The following MECOM variants were observed in gnomAD, a reference collection of about 807,000 sequenced individuals.
The protein encoded by MECOM is MDS1 and EVI1 complex locus.
A neutral mutation model predicts 116.3 loss-of-function variants in MECOM; 13 were observed. That is an observed-to-expected ratio of 0.11 (90% confidence interval 0.07 to 0.18). MECOM has a LOEUF of 0.18. Ranked by LOEUF, MECOM falls within the 10% of genes least tolerant of loss-of-function variation. The probability of loss-of-function intolerance (pLI) is 1.00; values close to 1 mark genes in which losing one functional copy is unlikely to be tolerated. For synonymous variants in MECOM, 528 were observed against 535.2 expected (o/e 0.99, Z 0.19); for missense variants, 1,299 against 1,509.0 (o/e 0.86, Z 2.31).
intron 1 of MECOM, among the ~76,000 whole-genome samples, chr3:169,510,248 G>A (rs1755806259): frequency 6.6e-6 from 1 of 152,160 alleles, no homozygotes; most frequent in African/African-American, 2.4e-5. Context: ...AAGGGTCGGG[G>A]GCAGGGAGGG....
At chr3:169,287,517 T>C (rs930211000) in intron 2 of MECOM, among the ~76,000 whole-genome samples, 2 of 152,196 alleles carry the variant, frequency 1.3e-5, no homozygotes, top group African/African-American at 4.8e-5. Flanking sequence ...AAACAAAGCA[T>C]AATTCCAGAG....
intron 2 of MECOM, among the ~76,000 whole-genome samples, chr3:169,264,858 A>C (rs1300835127): frequency 6.6e-6 from 1 of 152,182 alleles, no homozygotes; most frequent in Non-Finnish European, 1.5e-5. Context: ...TCCTTTCCAC[A>C]AACTGCTGTT....
At chr3:169,387,632 T>C (rs1452768631) in intron 1 of MECOM, among the ~76,000 whole-genome samples, 1 of 152,240 alleles carries the variant, frequency 6.6e-6, no homozygotes, top group Non-Finnish European at 1.5e-5. Context: ...ACTTTGACTA[T>C]AAAGTAAGAC....
intron 2 of MECOM, among the ~76,000 whole-genome samples, chr3:169,350,516 G>C (rs1560163621): frequency 6.6e-6 from 1 of 151,942 alleles, no homozygotes; most frequent in Non-Finnish European, 1.5e-5. Context: ...CAGCTACTAA[G>C]TGCTTGAAAT....
chr3:169,146,623 G>T, intron 2 of MECOM: 1 of 1,368,588 alleles, frequency 7.3e-7, no homozygotes, highest in East Asian at 3.9e-5. Flanking sequence ...GGGGGCGGGG[G>T]GCGCCCGTAG....
intron 1 of MECOM, among the ~76,000 whole-genome samples, chr3:169,561,148 TAA>T (rs1353586210): frequency 6.6e-6 from 1 of 151,852 alleles, no homozygotes; most frequent in African/African-American, 2.4e-5. Context: ...AACAAAAATT[TAA>T]AAGTTTTATA....
At chr3:169,468,889 A>T (rs1244558756) in intron 1 of MECOM, among the ~76,000 whole-genome samples, 1 of 152,182 alleles carries the variant, frequency 6.6e-6, no homozygotes, top group Non-Finnish European at 1.5e-5. Flanking sequence ...TGCTAGGCAG[A>T]CTGCCACCAA....
intron 1 of MECOM, among the ~76,000 whole-genome samples, chr3:169,560,115 T>G (rs1762476209): frequency 1.3e-5 from 2 of 152,212 alleles, no homozygotes; most frequent in Admixed American, 1.3e-4. Context: ...GTATAACCAA[T>G]TTCATGTCCC....
chr3:169,417,913 CACATGGA>C (rs1738968490), intron 1 of MECOM, among the ~76,000 whole-genome samples: 1 of 150,534 alleles, frequency 6.6e-6, no homozygotes, highest in Non-Finnish European at 1.5e-5. Context: ...ACAATGAGAT[CACATGGA>C]CACAGGAAGG....
intron 1 of MECOM, among the ~76,000 whole-genome samples, chr3:169,569,535 C>T (rs145230135): frequency 3.6e-3 from 542 of 152,314 alleles, no homozygotes; most frequent in Non-Finnish European, 5.9e-3. Context: ...GTACATTCTT[C>T]TCAGCACCAT....
intron 10 of MECOM, among the ~76,000 whole-genome samples, chr3:169,104,468 TA>T (rs1353205853): frequency 6.6e-6 from 1 of 152,212 alleles, no homozygotes; most frequent in Non-Finnish European, 1.5e-5. Flanking sequence ...AACTGATTAG[TA>T]CTACTAACAA....
chr3:169,661,930 T>C (rs1186395890), intron 1 of MECOM, among the ~76,000 whole-genome samples: 1 of 152,204 alleles, frequency 6.6e-6, no homozygotes, highest in Non-Finnish European at 1.5e-5. Context: ...AACCGCGGCC[T>C]GTCCACTCCC....
At chr3:169,258,598 G>T (rs1560054868) in intron 2 of MECOM, among the ~76,000 whole-genome samples, 1 of 152,120 alleles carries the variant, frequency 6.6e-6, no homozygotes, top group Non-Finnish European at 1.5e-5. Context: ...TGCTTCTGAG[G>T]TGTCATTGTT....
At chr3:169,148,205 G>C (rs1051016244) in intron 2 of MECOM, among the ~76,000 whole-genome samples, 2 of 152,122 alleles carry the variant, frequency 1.3e-5, no homozygotes, top group East Asian at 1.9e-4. Context: ...ATTGATGACT[G>C]TCTGGTGAGT....
chr3:169,497,997 TTC>T (rs1258624258), intron 1 of MECOM, among the ~76,000 whole-genome samples: 1 of 152,232 alleles, frequency 6.6e-6, no homozygotes, highest in South Asian at 2.1e-4. Context: ...ATTTTACACC[TTC>T]TCTTCTCTAG....
intron 2 of MECOM, among the ~76,000 whole-genome samples, chr3:169,193,089 C>G (rs1464616241): frequency 6.6e-6 from 1 of 151,946 alleles, no homozygotes; most frequent in East Asian, 1.9e-4. Context: ...TGTAAAATAA[C>G]AGAAGCTAGA....
At chr3:169,375,720 A>G (rs1730906147) in intron 2 of MECOM, among the ~76,000 whole-genome samples, 1 of 152,156 alleles carries the variant, frequency 6.6e-6, no homozygotes, top group South Asian at 2.1e-4. Flanking sequence ...CCAGGACCAG[A>G]CAGATTCACA....
chr3:169,499,101 T>C (rs1289360322), intron 1 of MECOM, among the ~76,000 whole-genome samples: 1 of 151,908 alleles, frequency 6.6e-6, no homozygotes, highest in Non-Finnish European at 1.5e-5. Flanking sequence ...CATATGAGTA[T>C]ATAAATATCC....
chr3:169,098,358 T>C (rs1722418425), intron 12 of MECOM, among the ~76,000 whole-genome samples: 1 of 152,218 alleles, frequency 6.6e-6, no homozygotes, highest in Non-Finnish European at 1.5e-5. Context: ...CTGACACTTC[T>C]GAATAATACC....
Sources: gnomAD v4.1 joint callset for allele counts (sites outside exome capture counted in the v4.1 genomes callset) on GRCh38, gnomAD v4.1.1 for gene constraint, MANE v1.5 for transcripts, NCBI Gene and HGNC (gene_info 2026-07-23, HGNC 2026-07-21) for gene names.